TXNRD1: variants seen among roughly 807,000 people sequenced by gnomAD.
TXNRD1 encodes thioredoxin reductase 1, cytoplasmic.
Under a neutral mutation model 80.3 loss-of-function variants are expected in TXNRD1, and 57 were observed. The ratio of observed to expected loss-of-function variants is 0.71; its 90% CI spans 0.57 to 0.89. TXNRD1 has a LOEUF of 0.89. TXNRD1 is among the 40% of genes least tolerant of loss of function. TXNRD1 has a pLI of 0.00. For synonymous variants in TXNRD1, 291 were observed against 285.2 expected (o/e 1.02, Z -0.20); for missense variants, 730 against 803.0 (o/e 0.91, Z 1.10).
chr12:104,321,279 A>AT lies in TXNRD1; in HGVS notation c.1179dup (p.Gly394TrpfsTer12). ...AAAATTGGTGAACACATGGAAGAACATGGCATCAAGTTTATAAGACAGTTC... is the reference window on the plus strand; with the variant it reads ...AAAATTGGTGAACACATGGAAGAACATTGGCATCAAGTTTATAAGACAGTTC... On this transcript the variant is annotated frameshift_variant, in exon 10 of 17. Coordinates refer to ENST00000525566, the MANE Select transcript of TXNRD1 (RefSeq NM_001093771.3). LOFTEE classifies it high-confidence loss of function. 1 of 1,613,990 alleles carries AT rather than the reference A, an allele frequency of 6.2e-7. No homozygotes were observed. The highest frequency in any genetic ancestry group is 8.5e-7 in the Non-Finnish European group (1 of 1,179,880).
chr12:104,238,698 A>G (rs1265344364), intron 1 of TXNRD1, among the ~76,000 whole-genome samples: 3 of 152,138 alleles, frequency 2.0e-5, no homozygotes, highest in Admixed American at 2.0e-4. Context: ...TGATTCTCAT[A>G]TGTTTAATCA....
intron 1 of TXNRD1, among the ~76,000 whole-genome samples, chr12:104,250,440 A>G (rs778842466): frequency 2.4e-4 from 37 of 152,264 alleles, no homozygotes; most frequent in South Asian, 8.3e-4. Context: ...AAAGACTTCT[A>G]TATTTTAAAG....
At chr12:104,319,891 A>G (rs191028508) in intron 9 of TXNRD1, among the ~76,000 whole-genome samples, 1 of 152,380 alleles carries the variant, frequency 6.6e-6, no homozygotes, top group Non-Finnish European at 1.5e-5. Context: ...AAAGTATGTA[A>G]TAAAACCAAA....
chr12:104,348,606 C>T lies in TXNRD1; in HGVS notation c.*185C>T, dbSNP rs1237961414. On this transcript the variant is annotated 3_prime_UTR_variant, in exon 17 of 17. Transcript: ENST00000525566. ...GGTGAATAGAAGGCAGGCAGCATCACACTGGGGTCACTGACAGACTTGAAG... is the reference window on the plus strand; with the variant it reads ...GGTGAATAGAAGGCAGGCAGCATCATACTGGGGTCACTGACAGACTTGAAG... 3 of 580,632 alleles carry T rather than the reference C, an allele frequency of 5.2e-6. No individual in the cohort carries two copies. The East Asian group carries it at 8.6e-5, about 17-fold the overall frequency. The allele number at this position is 580,632 out of a possible 1,614,324, so 36.0% of individuals were successfully genotyped here. A position where few individuals can be genotyped will look rare whatever the true frequency, so the allele number is the denominator to read the frequency against.
At chr12:104,288,216 C>G (rs1024062960) in intron 3 of TXNRD1, among the ~76,000 whole-genome samples, 8 of 152,170 alleles carry the variant, frequency 5.3e-5, no homozygotes, top group African/African-American at 1.7e-4. Context: ...GTCTTGAACT[C>G]CTGACCTCAT....
At chr12:104,266,395 G>T (rs936288167) in intron 3 of TXNRD1, among the ~76,000 whole-genome samples, 1 of 151,690 alleles carries the variant, frequency 6.6e-6, no homozygotes, top group Non-Finnish European at 1.5e-5. Context: ...GCATGGTGAC[G>T]CATGCTTGTA....
At chr12:104,277,389 G>C (rs1341814406) in intron 3 of TXNRD1, among the ~76,000 whole-genome samples, 1 of 133,960 alleles carries the variant, frequency 7.5e-6, no homozygotes, top group African/African-American at 2.9e-5. Context: ...AACAAAGTAA[G>C]ACTCTGTCTC....
At chr12:104,257,158 T>C (rs375460777) in intron 2 of TXNRD1, among the ~76,000 whole-genome samples, 8 of 151,892 alleles carry the variant, frequency 5.3e-5, no homozygotes, top group African/African-American at 1.9e-4. Context: ...TTAAATGTTA[T>C]CTAGTAGTAT....
intron 3 of TXNRD1, among the ~76,000 whole-genome samples, chr12:104,278,424 C>T (rs1330286472): frequency 1.3e-5 from 2 of 151,430 alleles, no homozygotes; most frequent in Admixed American, 6.6e-5. Context: ...CGGTCTCGAT[C>T]TCCTGACCTC....
At chr12:104,233,799 G>A (rs1265517700) in intron 1 of TXNRD1, among the ~76,000 whole-genome samples, 2 of 152,170 alleles carry the variant, frequency 1.3e-5, no homozygotes, top group Non-Finnish European at 2.9e-5. Flanking sequence ...TGGGATTACA[G>A]GTGTGAGCCA....
intron 16 of TXNRD1, chr12:104,339,556 A>C (rs1266772263): frequency 4.2e-6 from 2 of 479,596 alleles, no homozygotes; most frequent in African/African-American, 3.9e-5. Context: ...TTTTCATGGC[A>C]ATCAGTTAAT....
At chr12:104,332,154 C>G (rs2035974853) in intron 14 of TXNRD1, among the ~76,000 whole-genome samples, 1 of 152,158 alleles carries the variant, frequency 6.6e-6, no homozygotes, top group South Asian at 2.1e-4. Context: ...GCATTACTCT[C>G]TAATTTGTAC....
chr12:104,262,137 C>G (rs1593720803), intron 3 of TXNRD1, among the ~76,000 whole-genome samples: 1 of 148,382 alleles, frequency 6.7e-6, no homozygotes, highest in East Asian at 2.0e-4. Flanking sequence ...GAGGCTGAGG[C>G]AGGAGAATTG....
Position 104,349,346 on chromosome 12 carries a change from A to C in TXNRD1, c.*925A>C, listed in dbSNP as rs1194251446. ...TAGCTTTAGCTTTATGCTAAAAAAAATAATGACATTGGGTATCTATTTCTT... is the reference window on the plus strand; with the variant it reads ...TAGCTTTAGCTTTATGCTAAAAAAACTAATGACATTGGGTATCTATTTCTT... On this transcript the variant is annotated 3_prime_UTR_variant, in exon 17 of 17. Coordinates refer to ENST00000525566, the MANE Select transcript of TXNRD1 (RefSeq NM_001093771.3). The C allele has an allele frequency of 6.6e-6, 1 of 152,514 alleles. No homozygotes were observed. The highest frequency in any genetic ancestry group is 1.5e-5 in the Non-Finnish European group (1 of 68,048). The allele number at this position is 152,514 out of a possible 1,614,324, so 9.4% of individuals were successfully genotyped here.
intron 10 of TXNRD1, among the ~76,000 whole-genome samples, chr12:104,323,816 C>CA (rs1305849102): frequency 1.3e-5 from 2 of 151,298 alleles, no homozygotes; most frequent in African/African-American, 2.4e-5. Context: ...GCTGACCCCC[C>CA]CCCACCTCCC....
At chr12:104,262,103 G>A (rs1340432258) in intron 3 of TXNRD1, among the ~76,000 whole-genome samples, 1 of 151,728 alleles carries the variant, frequency 6.6e-6, no homozygotes, top group Non-Finnish European at 1.5e-5. Context: ...ATGGTGGTGG[G>A]CGCCTATTAT....
chr12:104,285,509 T>C (rs1046270353), intron 3 of TXNRD1, among the ~76,000 whole-genome samples: 2 of 152,202 alleles, frequency 1.3e-5, no homozygotes, highest in Admixed American at 1.3e-4. Flanking sequence ...AAAATATTAA[T>C]TATAATCACT....
At chr12:104,248,827 T>C (rs1449542972) in intron 1 of TXNRD1, among the ~76,000 whole-genome samples, 3 of 151,666 alleles carry the variant, frequency 2.0e-5, no homozygotes, top group Non-Finnish European at 4.4e-5. Flanking sequence ...TTTTCTTTTC[T>C]TTTTTTTTCT....
At chr12:104,347,332 C>T (rs1160484204) in intron 16 of TXNRD1, among the ~76,000 whole-genome samples, 1 of 152,138 alleles carries the variant, frequency 6.6e-6, no homozygotes, top group African/African-American at 2.4e-5. Context: ...AGACTTTTCT[C>T]AGTATTGTTC....
Sources: allele counts gnomAD v4.1 joint callset (sites outside exome capture counted in the v4.1 genomes callset), GRCh38; gene constraint gnomAD v4.1.1; transcripts MANE v1.5; gene names NCBI Gene and HGNC (gene_info 2026-07-23, HGNC 2026-07-21).